Variants in NAV2 observed in about 807,000 individuals in gnomAD.
The protein encoded by NAV2 is neuron navigator 2.
In NAV2, 54 loss-of-function variants were observed where a neutral mutation model predicts 223.2. The observed-to-expected ratio is 0.24, with a 90% CI of 0.19 to 0.30. The LOEUF (loss-of-function observed/expected upper bound fraction) is 0.30. NAV2 is among the 10% of genes least tolerant of loss of function. The probability of loss-of-function intolerance (pLI) is 1.00; values close to 1 mark genes in which losing one functional copy is unlikely to be tolerated. For missense variants in NAV2, 2,806 were observed against 3,147.5 expected (o/e 0.89, Z 2.60); for synonymous variants, 1,279 against 1,239.3 (o/e 1.03, Z -0.67).
At chr11:19,358,212 T>G (rs1362345196) in intron 1 of NAV2, among the ~76,000 whole-genome samples, 1 of 152,202 alleles carries the variant, frequency 6.6e-6, no homozygotes, top group African/African-American at 2.4e-5. Context: ...GAGATGCGGA[T>G]GGCAGAGCAG....
At chr11:19,359,996 A>G (rs1213448889) in intron 1 of NAV2, among the ~76,000 whole-genome samples, 3 of 152,146 alleles carry the variant, frequency 2.0e-5, no homozygotes, top group Non-Finnish European at 4.4e-5. Flanking sequence ...CTGTCTACTG[A>G]GAACTTCCCT....
Position 19,412,575 on chromosome 11 carries a change from A to G in NAV2, c.75+61548A>G, listed in dbSNP as rs117565857. ...CCCAGCACAGCAATCGAGCTCTGCT[A>G]AGAGACAGACTGCCTTCTCAAGTGG... On this transcript the variant is annotated intron_variant, in intron 1 of 37. Coordinates refer to the NAV2 transcript ENST00000360655. 6.7e-3 allele frequency among the ~76,000 whole-genome samples: 1,015 copies of G among 152,314 alleles called. 26 individuals carry two copies. The highest frequency in any genetic ancestry group is 0.063 in the East Asian group (325 of 5,174).
At chr11:19,622,772 T>C (rs954132706) in intron 1 of NAV2, among the ~76,000 whole-genome samples, 31 of 152,188 alleles carry the variant, frequency 2.0e-4, no homozygotes, top group African/African-American at 7.0e-4. Flanking sequence ...ACATTTAAGG[T>C]TAATATTGTC....
chr11:19,594,032 G>A (rs531798533), intron 1 of NAV2, among the ~76,000 whole-genome samples: 37 of 152,252 alleles, frequency 2.4e-4, no homozygotes, highest in African/African-American at 8.9e-4. Flanking sequence ...CAATTTAATA[G>A]ATGAGGAAGT....
chr11:19,359,922 C>T (rs1169078112), intron 1 of NAV2, among the ~76,000 whole-genome samples: 1 of 152,154 alleles, frequency 6.6e-6, no homozygotes, highest in Non-Finnish European at 1.5e-5. Context: ...TCTCTTCCCT[C>T]TTCCCTTCAA....
intron 1 of NAV2, among the ~76,000 whole-genome samples, chr11:19,366,130 G>A (rs957437534): frequency 6.6e-6 from 1 of 152,202 alleles, no homozygotes; most frequent in African/African-American, 2.4e-5. Context: ...CCCTTCCCCT[G>A]GAGGGGTGAC....
At chr11:19,378,092 G>A (rs768640151) in intron 1 of NAV2, among the ~76,000 whole-genome samples, 6 of 152,162 alleles carry the variant, frequency 3.9e-5, no homozygotes, top group Non-Finnish European at 8.8e-5. Context: ...ACAGGAGCAG[G>A]GCTTCTCAGA....
At chr11:19,937,973 C>T (rs762112995) in intron 7 of NAV2, among the ~76,000 whole-genome samples, 1 of 152,198 alleles carries the variant, frequency 6.6e-6, no homozygotes, top group Non-Finnish European at 1.5e-5. Context: ...GACATGGAAG[C>T]TGCATCTTAA....
intron 6 of NAV2, among the ~76,000 whole-genome samples, chr11:19,927,350 G>C (rs1242693656): frequency 1.3e-5 from 2 of 152,226 alleles, no homozygotes; most frequent in African/African-American, 2.4e-5. Flanking sequence ...GGGAGGCCAA[G>C]GTGGGAAGAT....
At chr11:19,739,053 C>T (rs781257554) in intron 1 of NAV2, among the ~76,000 whole-genome samples, 3 of 152,184 alleles carry the variant, frequency 2.0e-5, no homozygotes, top group East Asian at 1.9e-4. Context: ...TAGTGGCACA[C>T]GCCTGTGGTC....
intron 1 of NAV2, among the ~76,000 whole-genome samples, chr11:19,681,597 A>T (rs184939130): frequency 2.9e-4 from 44 of 152,326 alleles, no homozygotes; most frequent in African/African-American, 9.9e-4. Context: ...GATGGGATTT[A>T]GCAATAGGTT....
chr11:20,026,342 A>G (rs1432252604), intron 11 of NAV2, among the ~76,000 whole-genome samples: 1 of 151,254 alleles, frequency 6.6e-6, no homozygotes, highest in Non-Finnish European at 1.5e-5. Flanking sequence ...ACAGAGTCTC[A>G]CTCTGTCACC....
At chr11:19,957,847 A>T (rs921974176) in intron 10 of NAV2, among the ~76,000 whole-genome samples, 1 of 152,232 alleles carries the variant, frequency 6.6e-6, no homozygotes, top group Non-Finnish European at 1.5e-5. Context: ...TGGGCAGCCC[A>T]GACTGCCACA....
upstream of NAV2, among the ~76,000 whole-genome samples, chr11:19,347,596 T>A (rs895235191): frequency 3.9e-5 from 6 of 152,156 alleles, no homozygotes; most frequent in Non-Finnish European, 8.8e-5. Flanking sequence ...AAGCCAGGGC[T>A]TGCCCTCAAT....
chr11:19,439,375 A>G, intron 1 of NAV2, among the ~76,000 whole-genome samples: 1 of 152,222 alleles, frequency 6.6e-6, no homozygotes, highest in East Asian at 1.9e-4. Flanking sequence ...TACCTGGGTG[A>G]TGAAATTTTG....
At chr11:19,514,326 A>G (rs1330674776) in intron 1 of NAV2, among the ~76,000 whole-genome samples, 1 of 152,188 alleles carries the variant, frequency 6.6e-6, no homozygotes, top group African/African-American at 2.4e-5. Context: ...CTGTTCACCC[A>G]GGGTTTATGT....
At chr11:19,972,258 A>G (rs1986254) in intron 10 of NAV2, among the ~76,000 whole-genome samples, 40,099 of 152,152 alleles carry the variant, frequency 0.26, 5,466 homozygotes, top group African/African-American at 0.33. Flanking sequence ...ACAGACAACC[A>G]GTGTTCTCAG....
intron 1 of NAV2, among the ~76,000 whole-genome samples, chr11:19,531,560 A>G (rs997001264): frequency 6.6e-6 from 1 of 152,234 alleles, no homozygotes; most frequent in African/African-American, 2.4e-5. Context: ...AAGAGAAAGA[A>G]AGGAGTCTAT....
At position 19,563,352 on chromosome 11, in the gene NAV2, C is replaced by T. The variant is rs117783716; in HGVS notation, c.75+212325C>T. On this transcript the variant is annotated intron_variant, in intron 1 of 37. Transcript: ENST00000360655. ...GGTGCCAGGACTCAGGAGTCGGAAC[C>T]CCATTACACTTAGGCTAGATCTTTG... Among the ~76,000 whole-genome samples the T allele has an allele frequency of 2.2e-3, 340 of 152,274 alleles. 1 individual carries two copies. Among genetic ancestry groups the T allele is most frequent in the South Asian group, 0.011 (53 of 4,822 alleles).
Sources: gnomAD v4.1 joint callset for allele counts (sites outside exome capture counted in the v4.1 genomes callset) on GRCh38, gnomAD v4.1.1 for gene constraint, MANE v1.5 for transcripts, NCBI Gene and HGNC (gene_info 2026-07-23, HGNC 2026-07-21) for gene names.